PSD3: variants seen among roughly 807,000 people sequenced by gnomAD.
PSD3 encodes pleckstrin and Sec7 domain containing 3, also known as PH and SEC7 domain-containing protein 3.
PSD3 carries 49 observed loss-of-function variants against 105.5 expected under a neutral mutation model. The ratio of observed to expected loss-of-function variants is 0.46; its 90% CI spans 0.37 to 0.59. The LOEUF (loss-of-function observed/expected upper bound fraction) is 0.59, where lower values mean the gene tolerates loss of function less well. Ranked by LOEUF, PSD3 falls within the 20% of genes least tolerant of loss-of-function variation. The pLI is 0.00. For missense variants in PSD3, 1,561 were observed against 1,263.8 expected (o/e 1.24, Z -3.57); for synonymous variants, 557 against 457.8 (o/e 1.22, Z -2.77).
intron 9 of PSD3, among the ~76,000 whole-genome samples, chr8:18,735,656 C>T (rs560777834): frequency 4.6e-5 from 7 of 152,222 alleles, no homozygotes; most frequent in African/African-American, 1.7e-4. Context: ...ACATAAAAAG[C>T]TTCAGTTTTC....
intron 1 of PSD3, among the ~76,000 whole-genome samples, chr8:19,011,141 C>A (rs931588996): frequency 6.6e-6 from 1 of 152,170 alleles, no homozygotes; most frequent in Non-Finnish European, 1.5e-5. Context: ...CAAAGACACT[C>A]TTTTCATAAT....
At chr8:18,652,546 G>A (rs1237591202) in intron 10 of PSD3, among the ~76,000 whole-genome samples, 1 of 135,066 alleles carries the variant, frequency 7.4e-6, no homozygotes, top group Non-Finnish European at 1.5e-5. Flanking sequence ...CACCCAGGCT[G>A]GGGTATAGTG....
chr8:18,901,019 G>A (rs1819469447), intron 2 of PSD3, among the ~76,000 whole-genome samples: 1 of 152,042 alleles, frequency 6.6e-6, no homozygotes. Context: ...CATTTCTCGG[G>A]ACTGCAAATG....
chr8:18,787,261 C>G (rs919934742), intron 8 of PSD3, among the ~76,000 whole-genome samples: 1 of 152,126 alleles, frequency 6.6e-6, no homozygotes, highest in Non-Finnish European at 1.5e-5. Context: ...CAATAAAGTA[C>G]TTTAATAATA....
intron 10 of PSD3, among the ~76,000 whole-genome samples, chr8:18,655,176 A>T (rs1005916483): frequency 6.6e-6 from 1 of 151,806 alleles, no homozygotes; most frequent in Non-Finnish European, 1.5e-5. Context: ...GCAAAAAAAA[A>T]AAATTAGCTG....
chr8:19,006,044 C>T (rs895320601), intron 1 of PSD3, among the ~76,000 whole-genome samples: 1 of 151,738 alleles, frequency 6.6e-6, no homozygotes, highest in African/African-American at 2.4e-5. Flanking sequence ...CGGTGGCTCC[C>T]AGCACTCTGG....
In PSD3 at chr8:18,531,268, T is replaced by C. The variant is rs1799620108; in HGVS notation, c.*4475A>G. 1 of 152,690 alleles carries C rather than the reference T, an allele frequency of 6.5e-6. No individual in the cohort carries two copies. The highest frequency in any genetic ancestry group is 2.4e-5 in the African/African-American group (1 of 41,464). The allele number at this position is 152,690 out of a possible 1,614,324, so 9.5% of individuals were successfully genotyped here. On this transcript the variant is annotated 3_prime_UTR_variant, in exon 16 of 16. Coordinates refer to ENST00000327040, the MANE Select transcript of PSD3 (RefSeq NM_015310.4). ...CTGTTGCATTCAAGTCAAACTGTCA[T>C]GCAGATTCAAGTATTTAATGACATT...
intron 11 of PSD3, among the ~76,000 whole-genome samples, chr8:18,611,251 GA>G (rs138669050): frequency 0.091 from 11,717 of 128,768 alleles, 476 homozygotes; most frequent in East Asian, 0.21. Flanking sequence ...TAGGATTTTG[GA>G]AAAAAAAAAA....
At chr8:18,544,270 T>C (rs1800329469) in intron 15 of PSD3, among the ~76,000 whole-genome samples, 1 of 150,460 alleles carries the variant, frequency 6.6e-6, no homozygotes, top group South Asian at 2.1e-4. Flanking sequence ...TTCTGCGTAC[T>C]ACGAGATGAT....
chr8:18,551,516 C>T (rs1411220207), intron 15 of PSD3, among the ~76,000 whole-genome samples: 1 of 152,054 alleles, frequency 6.6e-6, no homozygotes, highest in African/African-American at 2.4e-5. Context: ...CAAGAATGTC[C>T]TAGATTTTTA....
chr8:18,934,909 G>A (rs13278489), intron 2 of PSD3, among the ~76,000 whole-genome samples: 15,298 of 152,160 alleles, frequency 0.1, 822 homozygotes, highest in Middle Eastern at 0.24. Flanking sequence ...AAAGCTATTT[G>A]CATTTTTATC....
At chr8:18,775,427 C>G (rs1249512990) in intron 8 of PSD3, among the ~76,000 whole-genome samples, 1 of 152,150 alleles carries the variant, frequency 6.6e-6, no homozygotes, top group South Asian at 2.1e-4. Context: ...TTTCAATGAG[C>G]ATTCACACTC....
intron 9 of PSD3, among the ~76,000 whole-genome samples, chr8:18,698,089 C>T (rs920308781): frequency 1.3e-5 from 2 of 151,984 alleles, no homozygotes; most frequent in Non-Finnish European, 2.9e-5. Flanking sequence ...AGTGGGCACA[C>T]AGGATGTATT....
chr8:18,754,181 C>G (rs1239025249), intron 9 of PSD3, among the ~76,000 whole-genome samples: 1 of 152,120 alleles, frequency 6.6e-6, no homozygotes, highest in African/African-American at 2.4e-5. Context: ...GTCAGGAGTT[C>G]CGGATCAGCC....
rs118036014 is a variant in PSD3 at position 18,994,153 on chromosome 8, T to A, written c.21+19410A>T. 1.2e-4 allele frequency among the ~76,000 whole-genome samples: 19 copies of A among 152,168 alleles called. No individual in the cohort carries two copies. The East Asian group carries it at 3.7e-3, about 29-fold the overall frequency. On this transcript the variant is annotated intron_variant, in intron 1 of 15. Coordinates refer to ENST00000327040, the MANE Select transcript of PSD3 (RefSeq NM_015310.4). ...AAAATGTGAGTCATGACAGGACCTA[T>A]CTACCTTATGAGGGGCAGTAAATTA...
intron 9 of PSD3, among the ~76,000 whole-genome samples, chr8:18,674,770 G>C (rs187578568): frequency 7.9e-5 from 12 of 152,296 alleles, no homozygotes; most frequent in African/African-American, 2.9e-4. Flanking sequence ...ACTTTGGGAG[G>C]CTGAGGTGGG....
chr8:18,979,964 A>G (rs1825167708), intron 1 of PSD3, among the ~76,000 whole-genome samples: 1 of 152,234 alleles, frequency 6.6e-6, no homozygotes, highest in Non-Finnish European at 1.5e-5. Flanking sequence ...TGACAGAATT[A>G]AATAAGAATC....
chr8:18,586,184 A>C (rs373900329), intron 12 of PSD3, among the ~76,000 whole-genome samples: 10 of 152,272 alleles, frequency 6.6e-5, no homozygotes, highest in African/African-American at 2.4e-4. Flanking sequence ...TTCCTGTAGG[A>C]GTGGCCAAAA....
Position 18,868,033 on chromosome 8 carries a change from A to T in PSD3, c.1275T>A (p.Asp425Glu), listed in dbSNP as rs763016721. The T allele has an allele frequency of 1.9e-6, 3 of 1,613,274 alleles. No individual in the cohort carries two copies. The highest frequency in any genetic ancestry group is 2.5e-6 in the Non-Finnish European group (3 of 1,179,694). Residue 425 changes from aspartate to glutamate, a missense_variant, in exon 4 of 16, where the codon GAT becomes GAA. Physicochemically the swap from Asp to Glu is conservative, Grantham distance 45. Coordinates refer to ENST00000327040, the MANE Select transcript of PSD3 (RefSeq NM_015310.4). ...TATATCCAGGCCCAAGGATGTCTTC[A>T]TCTTCCCCCTTAACGTGCTCCTCTT... Reference protein sequence around the residue: ...SEQEEHVKGEDEDILGPGYTE... With the variant: ...SEQEEHVKGEEEDILGPGYTE...
Sources: allele counts gnomAD v4.1 joint callset (sites outside exome capture counted in the v4.1 genomes callset), GRCh38; gene constraint gnomAD v4.1.1; transcripts MANE v1.5; gene names NCBI Gene and HGNC (gene_info 2026-07-23, HGNC 2026-07-21).